Variants in SLC23A2 observed in about 807,000 individuals in gnomAD.
The protein encoded by SLC23A2 is Na(+)/L-ascorbic acid transporter 2.
In SLC23A2, 36 loss-of-function variants were observed where a neutral mutation model predicts 73.3. The observed-to-expected ratio is 0.49, with a 90% CI of 0.38 to 0.65. The LOEUF (loss-of-function observed/expected upper bound fraction) is 0.65, where lower values mean the gene tolerates loss of function less well. Ranked by LOEUF, SLC23A2 falls within the 30% of genes least tolerant of loss-of-function variation. The pLI, the probability that SLC23A2 is intolerant of heterozygous loss-of-function variation, is 0.00. For synonymous variants in SLC23A2, 343 were observed against 327.3 expected, an observed-to-expected ratio of 1.05 and a Z score of -0.52; for missense variants, 507 against 841.6, an observed-to-expected ratio of 0.60 and a Z score of 4.92.
At chr20:4,984,711 C>T (rs1221679184) in intron 1 of SLC23A2, among the ~76,000 whole-genome samples, 1 of 152,134 alleles carries the variant, frequency 6.6e-6, no homozygotes, top group Non-Finnish European at 1.5e-5. Flanking sequence ...AAAACCACTG[C>T]ACACCCATTA....
intron 3 of SLC23A2, among the ~76,000 whole-genome samples, chr20:4,930,532 T>C (rs78729994): frequency 0.039 from 5,905 of 152,224 alleles, 167 homozygotes; most frequent in Middle Eastern, 0.085. Context: ...AAAAATGCCA[T>C]GTTCAGCTGG....
Position 4,854,492 on chromosome 20 carries a change from G to C in SLC23A2, c.*2480C>G, listed in dbSNP as rs915237554. The C allele has an allele frequency of 2.6e-5, 4 of 152,172 alleles. No individual in the cohort carries two copies. The highest frequency in any genetic ancestry group is 5.9e-5 in the Non-Finnish European group (4 of 68,146). The allele number at this position is 152,172 out of a possible 1,614,324, so 9.4% of individuals were successfully genotyped here. ...TGCAGAAAGTACCAGATTCAGCAGG[G>C]GCATCTAGTCAGGCTGCCCTCTTTG... On this transcript the variant is annotated 3_prime_UTR_variant, in exon 17 of 17. Coordinates refer to ENST00000338244, the MANE Select transcript of SLC23A2 (RefSeq NM_005116.6).
chr20:4,929,944 A>G (rs1467689026), intron 3 of SLC23A2, among the ~76,000 whole-genome samples: 2 of 152,218 alleles, frequency 1.3e-5, no homozygotes, highest in Non-Finnish European at 2.9e-5. Context: ...CCAGATGTAG[A>G]AAGACTAAGA....
At chr20:4,916,072 AT>A (rs933128672) in intron 3 of SLC23A2, among the ~76,000 whole-genome samples, 5 of 152,218 alleles carry the variant, frequency 3.3e-5, no homozygotes, top group African/African-American at 1.2e-4. Context: ...TTTTAAAATT[AT>A]TTCTCAAACA....
chr20:4,959,758 G>A (rs557690247), intron 2 of SLC23A2, among the ~76,000 whole-genome samples: 12 of 152,228 alleles, frequency 7.9e-5, no homozygotes, highest in Non-Finnish European at 1.0e-4. Flanking sequence ...CCAGATCACT[G>A]GGATTACAGG....
intron 2 of SLC23A2, among the ~76,000 whole-genome samples, chr20:4,935,331 T>C (rs1050580701): frequency 2.6e-5 from 4 of 151,658 alleles, no homozygotes; most frequent in African/African-American, 9.7e-5. Context: ...GAGAAATGAA[T>C]GCAGAGCCTA....
intron 6 of SLC23A2, among the ~76,000 whole-genome samples, chr20:4,891,425 G>A (rs1021138812): frequency 2.0e-5 from 3 of 152,062 alleles, no homozygotes; most frequent in East Asian, 3.9e-4. Context: ...GAGTAGACCC[G>A]CCTTAGAGAA....
At chr20:5,003,620 T>C (rs56193975), upstream of SLC23A2, among the ~76,000 whole-genome samples, 5 of 151,924 alleles carry the variant, frequency 3.3e-5, no homozygotes, top group Non-Finnish European at 5.9e-5. Context: ...AGCTTTTAAG[T>C]CTATCCCCTC....
At chr20:4,859,556 A>G (rs1929876332) in intron 15 of SLC23A2, among the ~76,000 whole-genome samples, 172 bp from the exon 16 acceptor site, 1 of 152,222 alleles carries the variant, frequency 6.6e-6, no homozygotes, top group African/African-American at 2.4e-5. Context: ...AATGTTTTAA[A>G]CTACGATGAA....
At chr20:4,903,543 T>A (rs1192345180) in intron 4 of SLC23A2, among the ~76,000 whole-genome samples, 1 of 152,168 alleles carries the variant, frequency 6.6e-6, no homozygotes, top group East Asian at 1.9e-4. Flanking sequence ...GATATCCACA[T>A]GGAAAAATGC....
intron 13 of SLC23A2, among the ~76,000 whole-genome samples, chr20:4,864,805 G>A (rs1325350185): frequency 6.6e-6 from 1 of 152,138 alleles, no homozygotes; most frequent in African/African-American, 2.4e-5. Flanking sequence ...GTTCGCTAGT[G>A]GAAGAGCATC....
chr20:4,934,570 A>G (rs2086930953), intron 2 of SLC23A2, among the ~76,000 whole-genome samples: 2 of 152,316 alleles, frequency 1.3e-5, no homozygotes, highest in African/African-American at 2.4e-5. Flanking sequence ...CATTATAAAA[A>G]GAATTTTCTG....
chr20:4,992,809 C>T (rs543421552), intron 1 of SLC23A2, among the ~76,000 whole-genome samples: 12 of 151,488 alleles, frequency 7.9e-5, no homozygotes, highest in African/African-American at 2.9e-4. Flanking sequence ...CGCGCTTGGC[C>T]AACAGACTTG....
intron 1 of SLC23A2, among the ~76,000 whole-genome samples, chr20:4,995,451 C>T (rs2088003565): frequency 6.6e-6 from 1 of 152,102 alleles, no homozygotes; most frequent in Admixed American, 6.6e-5. Context: ...AAGATTCAAG[C>T]CCCATAATAC....
chr20:4,939,619 C>T (rs1345845292), intron 2 of SLC23A2, among the ~76,000 whole-genome samples: 1 of 152,194 alleles, frequency 6.6e-6, no homozygotes, highest in Non-Finnish European at 1.5e-5. Context: ...GTTAAGGTCC[C>T]TGCTAAAAAT....
chr20:4,955,116 G>A (rs2087263685), intron 2 of SLC23A2, among the ~76,000 whole-genome samples: 1 of 151,946 alleles, frequency 6.6e-6, no homozygotes, highest in Non-Finnish European at 1.5e-5. Context: ...AGCTGGACAT[G>A]GTGGTGCATG....
chr20:4,931,289 G>T (rs933053126), intron 3 of SLC23A2, among the ~76,000 whole-genome samples: 4 of 152,012 alleles, frequency 2.6e-5, no homozygotes, highest in Admixed American at 2.0e-4. Context: ...AGGCTACAGT[G>T]AGTCTTAATT....
intron 1 of SLC23A2, among the ~76,000 whole-genome samples, chr20:4,990,129 G>C (rs2087901724): frequency 6.6e-6 from 1 of 152,152 alleles, no homozygotes; most frequent in Admixed American, 6.6e-5. Flanking sequence ...ACTTAGAAAA[G>C]AACCATCTAA....
intron 2 of SLC23A2, among the ~76,000 whole-genome samples, chr20:4,965,841 C>T (rs2087466041): frequency 6.6e-6 from 1 of 152,040 alleles, no homozygotes; most frequent in Non-Finnish European, 1.5e-5. Flanking sequence ...GTGGCATGCG[C>T]CTGTAATTCC....
Sources: allele counts gnomAD v4.1 joint callset (sites outside exome capture counted in the v4.1 genomes callset), GRCh38; gene constraint gnomAD v4.1.1; transcripts MANE v1.5; gene names NCBI Gene and HGNC (gene_info 2026-07-23, HGNC 2026-07-21).